The following GRIK2 variants were observed in gnomAD, a reference collection of about 807,000 sequenced individuals.
The protein encoded by GRIK2 is glutamate receptor ionotropic, kainate 2.
A neutral mutation model predicts 100.3 loss-of-function variants in GRIK2; 32 were observed. The observed-to-expected ratio is 0.32, with a 90% confidence interval of 0.24 to 0.43. The LOEUF is 0.43. GRIK2 is among the 20% of genes least tolerant of loss of function. The pLI, the probability that GRIK2 is intolerant of heterozygous loss-of-function variation, is 1.00. For missense variants in GRIK2, 843 were observed against 1,114.9 expected (o/e 0.76, Z 3.47); for synonymous variants, 417 against 389.4 (o/e 1.07, Z -0.83).
At chr6:101,502,510 G>A (rs1010586831) in intron 2 of GRIK2, among the ~76,000 whole-genome samples, 1 of 151,942 alleles carries the variant, frequency 6.6e-6, no homozygotes. Flanking sequence ...GAAAATAAAT[G>A]ATTTAGACAA....
In GRIK2 at chr6:101,911,305, A is replaced by G. The variant is rs187324173; in HGVS notation, c.1749-13296A>G. Among the ~76,000 whole-genome samples the G allele has an allele frequency of 1.1e-4, 16 of 151,702 alleles. 1 individual carries two copies. Among genetic ancestry groups the G allele is most frequent in the Admixed American group, 9.9e-4 (15 of 15,144 alleles). ...TCACAATTACAAAACTGTTTGCCTCATTACATGAATCAGTCAAATGATCAG... is the reference window on the plus strand; with the variant it reads ...TCACAATTACAAAACTGTTTGCCTCGTTACATGAATCAGTCAAATGATCAG... On this transcript the variant is annotated intron_variant, in intron 12 of 16. Transcript: ENST00000369134.
At chr6:101,486,264 G>A (rs1772820637) in intron 2 of GRIK2, among the ~76,000 whole-genome samples, 1 of 151,450 alleles carries the variant, frequency 6.6e-6, no homozygotes, top group Admixed American at 6.6e-5. Flanking sequence ...GATTTGAAGG[G>A]AAGAAGTCTG....
At chr6:101,588,283 G>T (rs1035907851) in intron 2 of GRIK2, among the ~76,000 whole-genome samples, 1 of 152,026 alleles carries the variant, frequency 6.6e-6, no homozygotes, top group African/African-American at 2.4e-5. Context: ...TCCAAGGAAA[G>T]ATGTATATGT....
intron 4 of GRIK2, among the ~76,000 whole-genome samples, chr6:101,651,013 T>C (rs1197372982): frequency 1.4e-5 from 2 of 147,308 alleles, no homozygotes; most frequent in South Asian, 2.1e-4. Flanking sequence ...TCTTTTTTTT[T>C]TTTTTTTTTT....
At chr6:101,779,742 A>G (rs1317854467) in intron 7 of GRIK2, among the ~76,000 whole-genome samples, 2 of 152,074 alleles carry the variant, frequency 1.3e-5, no homozygotes, top group Non-Finnish European at 2.9e-5. Flanking sequence ...GGGAACAGAT[A>G]TTCTCTTCTA....
At chr6:101,457,606 C>T (rs1771079939) in intron 2 of GRIK2, among the ~76,000 whole-genome samples, 1 of 152,032 alleles carries the variant, frequency 6.6e-6, no homozygotes, top group Admixed American at 6.6e-5. Context: ...TTTTTGCTCT[C>T]TAAATATAAT....
rs888655529 is a variant in GRIK2, at chr6:101,931,166, T to C, written c.2085+2534T>C. On this transcript the variant is annotated intron_variant, in intron 14 of 16. Transcript: ENST00000369134. ...ATGTTTTCACTTTTTAAGTGTATAG[T>C]TATTCCAGCTATGGTAAGAAATTTA... Among the ~76,000 whole-genome samples, 4 of 152,168 alleles carry C rather than the reference T, an allele frequency of 2.6e-5. 1 individual carries two copies. The highest frequency in any genetic ancestry group is 1.3e-4 in the Admixed American group (2 of 15,272).
chr6:101,555,745 CATT>C (rs1293846614), intron 2 of GRIK2, among the ~76,000 whole-genome samples: 7 of 151,984 alleles, frequency 4.6e-5, no homozygotes, highest in Admixed American at 2.0e-4. Context: ...AGTGGAAAAA[CATT>C]ATGCATTTGA....
rs181871106 is a variant in GRIK2 at position 101,957,929 on chromosome 6, A to G, written c.2085+29297A>G. On this transcript the variant is annotated intron_variant, in intron 14 of 16. Transcript: ENST00000369134. ...AGCACCATGCTGTTTTAGTTACTGT[A>G]ACCTTGTAGTATATTTTAGACAGGT... 3.3e-5 allele frequency among the ~76,000 whole-genome samples: 5 copies of G among 152,180 alleles called. No homozygotes were observed. In the East Asian group the frequency reaches 9.6e-4, roughly 29 times the overall value.
At chr6:101,419,867 G>C (rs1215302196) in intron 2 of GRIK2, among the ~76,000 whole-genome samples, 1 of 152,146 alleles carries the variant, frequency 6.6e-6, no homozygotes, top group Non-Finnish European at 1.5e-5. Context: ...AGCAGGTGTT[G>C]CATGCTGTAA....
intron 11 of GRIK2, among the ~76,000 whole-genome samples, chr6:101,860,610 T>C (rs984850605): frequency 6.6e-6 from 1 of 152,168 alleles, no homozygotes; most frequent in Non-Finnish European, 1.5e-5. Context: ...ATGGTCGTGG[T>C]CTAACAGGCA....
chr6:101,824,057 GTGT>G (rs374349971), intron 10 of GRIK2, among the ~76,000 whole-genome samples: 149 of 151,850 alleles, frequency 9.8e-4, no homozygotes, highest in African/African-American at 3.5e-3. Context: ...TGTGGAGATG[GTGT>G]TGTATTTTTG....
chr6:101,857,427 G>C (rs548813891), intron 10 of GRIK2, among the ~76,000 whole-genome samples: 5 of 152,294 alleles, frequency 3.3e-5, no homozygotes, highest in Admixed American at 3.3e-4. Flanking sequence ...GATAAGGTAA[G>C]TCCACAGAGA....
intron 10 of GRIK2, among the ~76,000 whole-genome samples, chr6:101,826,175 A>T (rs1381523379): frequency 6.6e-6 from 1 of 152,126 alleles, no homozygotes; most frequent in African/African-American, 2.4e-5. Flanking sequence ...AGAAAGTTCA[A>T]CAGAGAAGTA....
intron 2 of GRIK2, among the ~76,000 whole-genome samples, chr6:101,513,982 A>C (rs1462565520): frequency 6.6e-6 from 1 of 152,158 alleles, no homozygotes; most frequent in Non-Finnish European, 1.5e-5. Flanking sequence ...TTTGGAAACA[A>C]ATCAACAAAA....
intron 2 of GRIK2, among the ~76,000 whole-genome samples, chr6:101,417,410 C>G (rs1776203783): frequency 6.6e-6 from 1 of 152,136 alleles, no homozygotes; most frequent in Non-Finnish European, 1.5e-5. Flanking sequence ...GCCTATACAA[C>G]CTCAGCACAA....
intron 16 of GRIK2, among the ~76,000 whole-genome samples, chr6:102,063,345 A>C (rs1771848763): frequency 6.6e-6 from 1 of 150,770 alleles, no homozygotes; most frequent in South Asian, 2.1e-4. Context: ...ATAAATACTA[A>C]ATGCAGGCTT....
chr6:101,744,406 A>C (rs955235881), intron 7 of GRIK2, among the ~76,000 whole-genome samples: 2 of 151,204 alleles, frequency 1.3e-5, no homozygotes, highest in Admixed American at 6.6e-5. Context: ...TTCACTTAAA[A>C]TAATGGTCTC....
At chr6:101,465,800 A>G (rs543808881) in intron 2 of GRIK2, among the ~76,000 whole-genome samples, 4 of 152,344 alleles carry the variant, frequency 2.6e-5, no homozygotes, top group Admixed American at 1.3e-4. Flanking sequence ...GGCAATCCAC[A>G]TATAATGAGA....
Sources: allele counts gnomAD v4.1 joint callset (sites outside exome capture counted in the v4.1 genomes callset), GRCh38; gene constraint gnomAD v4.1.1; transcripts MANE v1.5; gene names NCBI Gene and HGNC (gene_info 2026-07-23, HGNC 2026-07-21).